The following PAPPA variants were observed in gnomAD, a reference collection of about 807,000 sequenced individuals.
PAPPA encodes the protein pappalysin-1.
In PAPPA, 60 loss-of-function variants were observed where a neutral mutation model predicts 164.0. The observed-to-expected ratio is 0.37, with a 90% CI of 0.30 to 0.45. PAPPA has a LOEUF of 0.45. PAPPA is among the 20% of genes least tolerant of loss of function. The probability of loss-of-function intolerance (pLI) is 1.00; values close to 1 mark genes in which losing one functional copy is unlikely to be tolerated. For missense variants in PAPPA, 1,782 were observed against 2,087.3 expected, an observed-to-expected ratio of 0.85 and a Z score of 2.85; for synonymous variants, 875 against 814.1, an observed-to-expected ratio of 1.07 and a Z score of -1.27.
intron 6 of PAPPA, among the ~76,000 whole-genome samples, chr9:116,232,612 C>T (rs574971085): frequency 7.9e-5 from 12 of 152,328 alleles, no homozygotes; most frequent in African/African-American, 2.4e-4. Flanking sequence ...AGACTTAGTG[C>T]CAACGTAAAA....
chr9:116,248,003 G>T (rs1454357764), intron 7 of PAPPA, among the ~76,000 whole-genome samples: 1 of 152,180 alleles, frequency 6.6e-6, no homozygotes, highest in Non-Finnish European at 1.5e-5. Context: ...ATGCAATCTA[G>T]TGAACTGTAA....
At chr9:116,255,031 G>A (rs1053920773) in intron 7 of PAPPA, among the ~76,000 whole-genome samples, 17 of 151,658 alleles carry the variant, frequency 1.1e-4, no homozygotes, top group South Asian at 4.2e-4. Flanking sequence ...ATATGTTTGC[G>A]TTGAAACGAT....
At chr9:116,265,760 A>T in intron 7 of PAPPA, 97 bp from the exon 8 acceptor site, 1 of 965,582 alleles carries the variant, frequency 1.0e-6, no homozygotes, top group Non-Finnish European at 1.6e-6. Flanking sequence ...AAAATGAGCA[A>T]GACTGATAGA....
chr9:116,353,821 A>G (rs781111365), intron 17 of PAPPA, 28 bp downstream of exon 17: 8 of 1,575,100 alleles, frequency 5.1e-6, no homozygotes, highest in Admixed American at 3.4e-5. Context: ...TGAGATTGAT[A>G]CCATGGTCCC....
chr9:116,328,812 T>A (rs1845952893), intron 10 of PAPPA, among the ~76,000 whole-genome samples: 1 of 152,206 alleles, frequency 6.6e-6, no homozygotes, highest in African/African-American at 2.4e-5. Flanking sequence ...AAACCTATTG[T>A]CTAACCCAAC....
intron 5 of PAPPA, 104 bp downstream of exon 5, chr9:116,220,233 T>C: frequency 1.1e-5 from 10 of 870,212 alleles, no homozygotes; most frequent in Non-Finnish European, 1.8e-5. Flanking sequence ...CTGCATTTCT[T>C]GTTCTTGTTC....
In PAPPA at chr9:116,243,483, A is replaced by G. The variant is rs953580060; in HGVS notation, c.2732+7846A>G. 4.6e-5 allele frequency among the ~76,000 whole-genome samples: 7 copies of G among 152,186 alleles called. No homozygotes were observed. The East Asian group carries it at 1.2e-3, about 25-fold the overall frequency. ...CTTCTTAGATGGAGAAGCTCAGACT[A>G]TAAGAGATAAGGTCATTGATTTAAG... On this transcript the variant is annotated intron_variant, in intron 7 of 21. Coordinates refer to ENST00000328252, the MANE Select transcript of PAPPA (RefSeq NM_002581.5).
intron 21 of PAPPA, among the ~76,000 whole-genome samples, chr9:116,386,478 T>TCAA (rs1037825023): frequency 4.6e-5 from 7 of 152,206 alleles, no homozygotes; most frequent in African/African-American, 1.7e-4. Flanking sequence ...AATCCTCTTG[T>TCAA]CAACACAGAG....
chr9:116,328,550 G>C (rs1845949261), intron 10 of PAPPA, among the ~76,000 whole-genome samples: 1 of 152,174 alleles, frequency 6.6e-6, no homozygotes, highest in Non-Finnish European at 1.5e-5. Context: ...TGTGCTTTCA[G>C]AACCTATCAA....
intron 3 of PAPPA, among the ~76,000 whole-genome samples, chr9:116,209,963 T>A (rs930838107): frequency 6.6e-6 from 1 of 152,176 alleles, no homozygotes; most frequent in Admixed American, 6.5e-5. Flanking sequence ...ATGCTGCTCA[T>A]GAGTAATTCC....
At chr9:116,205,804 A>G (rs570683892) in intron 2 of PAPPA, among the ~76,000 whole-genome samples, 1 of 152,312 alleles carries the variant, frequency 6.6e-6, no homozygotes, top group East Asian at 1.9e-4. Flanking sequence ...AGGTAGTATT[A>G]TCACCCTCAT....
At chr9:116,188,307 T>C in intron 2 of PAPPA, 91 bp downstream of exon 2, 1 of 922,004 alleles carries the variant, frequency 1.1e-6, no homozygotes, top group Non-Finnish European at 1.6e-6. Context: ...CAGTGGGTGA[T>C]ATGGGGATTT....
At position 116,289,357 on chromosome 9, in the gene PAPPA, G is replaced by GGCATATATATA. The variant is rs1564212429; in HGVS notation, c.2954-13390_2954-13389insAGCATATATAT. Among the ~76,000 whole-genome samples the GGCATATATATA allele has an allele frequency of 9.6e-3, 1,037 of 108,400 alleles. 44 individuals are homozygous for GGCATATATATA. The highest frequency in any genetic ancestry group is 0.015 in the Admixed American group (163 of 10,642). The allele number at this position is 108,400 out of a possible 152,430, so 71.1% of individuals were successfully genotyped here. On this transcript the variant is annotated intron_variant, in intron 9 of 21. Coordinates refer to ENST00000328252, the MANE Select transcript of PAPPA (RefSeq NM_002581.5). ...TATAGCATATATATGGCATATATAT[G>GGCATATATATA]GCATATATATGGCATATATATAGCA...
chr9:116,288,871 C>G (rs1056917456), intron 9 of PAPPA: 1 of 151,882 alleles, frequency 6.6e-6, no homozygotes, highest in Non-Finnish European at 1.5e-5. Context: ...CATTTTAACA[C>G]TCTGGTTTCT....
intron 1 of PAPPA, among the ~76,000 whole-genome samples, chr9:116,167,377 A>G (rs904222875): frequency 2.0e-5 from 3 of 152,204 alleles, no homozygotes; most frequent in South Asian, 2.1e-4. Context: ...TATTATTTTT[A>G]TTAAGTATTA....
intron 1 of PAPPA, among the ~76,000 whole-genome samples, chr9:116,182,475 A>T (rs1216173087): frequency 6.6e-6 from 1 of 152,184 alleles, no homozygotes; most frequent in Non-Finnish European, 1.5e-5. Flanking sequence ...TGATGAATAT[A>T]CAGGAGGAAG....
chr9:116,178,997 T>C (rs1843869293), intron 1 of PAPPA, among the ~76,000 whole-genome samples: 1 of 152,246 alleles, frequency 6.6e-6, no homozygotes, highest in Admixed American at 6.5e-5. Context: ...TATTAAAACT[T>C]ATGGGTTTCA....
chr9:116,364,050 T>C (rs113236602), intron 18 of PAPPA, among the ~76,000 whole-genome samples: 1,681 of 152,304 alleles, frequency 0.011, 30 homozygotes, highest in African/African-American at 0.037. Flanking sequence ...TGCAGAGAGA[T>C]GGGATCTTAT....
At chr9:116,158,469 T>C (rs1843628221) in intron 1 of PAPPA, among the ~76,000 whole-genome samples, 1 of 152,190 alleles carries the variant, frequency 6.6e-6, no homozygotes. Flanking sequence ...CTGTGTGACC[T>C]TGGGCAAGCA....
Sources: gnomAD v4.1 joint callset for allele counts (sites outside exome capture counted in the v4.1 genomes callset) on GRCh38, gnomAD v4.1.1 for gene constraint, MANE v1.5 for transcripts, NCBI Gene and HGNC (gene_info 2026-07-23, HGNC 2026-07-21) for gene names.